Variants in TMT1A observed in about 807,000 individuals in gnomAD.
TMT1A encodes thiol methyltransferase 1A, also known as thiol S-methyltransferase TMT1A.
At chr12:50,929,802 G>A in the TMT1A span, 15 of 903,466 alleles carry the variant, frequency 1.7e-5, no homozygotes, top group Admixed American at 7.0e-5. Flanking sequence ...AGAACTCTAC[G>A]GTTCTCTCAC....
the TMT1A span, chr12:50,931,363 T>G: frequency 6.6e-6 from 1 of 152,092 alleles, no homozygotes; most frequent in South Asian, 2.1e-4. Flanking sequence ...ATTAAGAATC[T>G]GAGTCTAAAC....
At chr12:50,925,712 A>G in the TMT1A span, among the ~76,000 whole-genome samples, 1 of 152,104 alleles carries the variant, frequency 6.6e-6, no homozygotes, top group Non-Finnish European at 1.5e-5. Flanking sequence ...AGATTGATAA[A>G]TCTGAATATA....
chr12:50,926,195 C>T, the TMT1A span, among the ~76,000 whole-genome samples: 1 of 151,386 alleles, frequency 6.6e-6, no homozygotes, highest in Non-Finnish European at 1.5e-5. Context: ...CAATATTTTT[C>T]AATAAGAAAA....
chr12:50,930,075 G>A, the TMT1A span: 1 of 1,614,080 alleles, frequency 6.2e-7, no homozygotes, highest in Non-Finnish European at 8.5e-7. Flanking sequence ...TCTCTAAGCT[G>A]AAGCTGCAGC....
chr12:50,927,779 C>G, the TMT1A span, among the ~76,000 whole-genome samples: 4 of 152,186 alleles, frequency 2.6e-5, no homozygotes, highest in African/African-American at 9.6e-5. Context: ...AAGGAATTTG[C>G]CCAAAGTTAC....
the TMT1A span, among the ~76,000 whole-genome samples, chr12:50,927,011 T>C: frequency 6.6e-6 from 1 of 152,184 alleles, no homozygotes; most frequent in African/African-American, 2.4e-5. Context: ...AGGCATGTTT[T>C]GTAATCCCCA....
chr12:50,928,966 G>A, the TMT1A span, among the ~76,000 whole-genome samples: 2 of 151,992 alleles, frequency 1.3e-5, no homozygotes, highest in Non-Finnish European at 2.9e-5. Flanking sequence ...GGCCGGGCAC[G>A]GTAGCTCACG....
chr12:50,931,238 TTC>T, the TMT1A span: 1 of 152,128 alleles, frequency 6.6e-6, no homozygotes, highest in Non-Finnish European at 1.5e-5. Context: ...TAATTTTATC[TTC>T]TCTTTGAGAG....
the TMT1A span, chr12:50,925,536 G>C: frequency 1.2e-6 from 2 of 1,611,796 alleles, no homozygotes; most frequent in South Asian, 2.2e-5. Flanking sequence ...TGCTGAGACC[G>C]GTGAGTGAAA....
chr12:50,926,853 C>G, the TMT1A span, among the ~76,000 whole-genome samples: 13 of 152,138 alleles, frequency 8.5e-5, no homozygotes, highest in Non-Finnish European at 1.5e-4. Context: ...CATTTTAAAC[C>G]TTTCCGTAAA....
the TMT1A span, chr12:50,925,047 T>G: frequency 6.2e-7 from 1 of 1,614,036 alleles, no homozygotes; most frequent in Non-Finnish European, 8.5e-7. Flanking sequence ...CAATGGAGCT[T>G]ACCATCTTTA....
At chr12:50,928,650 C>T in the TMT1A span, among the ~76,000 whole-genome samples, 5,230 of 152,310 alleles carry the variant, frequency 0.034, 266 homozygotes, top group African/African-American at 0.11. Flanking sequence ...TCCCTACTGT[C>T]TGCCTAAAGC....
the TMT1A span, chr12:50,925,149 C>G: frequency 6.2e-7 from 1 of 1,614,072 alleles, no homozygotes; most frequent in African/African-American, 1.3e-5. Flanking sequence ...AATGGTTCCC[C>G]TACTTCTTGG....
chr12:50,932,100 G>T, the TMT1A span: 3 of 152,092 alleles, frequency 2.0e-5, no homozygotes, highest in East Asian at 1.9e-4. Flanking sequence ...GGTGGTTAAG[G>T]TTCTTGGGTT....
chr12:50,932,045 T>C, the TMT1A span: 2 of 152,188 alleles, frequency 1.3e-5, no homozygotes, highest in Non-Finnish European at 2.9e-5. Flanking sequence ...AGTCTTAAGA[T>C]AAAGATTGTA....
At chr12:50,925,263 G>A in the TMT1A span, 3 of 1,614,218 alleles carry the variant, frequency 1.9e-6, no homozygotes, top group Non-Finnish European at 2.5e-6. Context: ...TCTCCCTGCT[G>A]GAAGTGGGCT....
the TMT1A span, chr12:50,925,141 T>C: frequency 6.2e-7 from 1 of 1,614,000 alleles, no homozygotes; most frequent in African/African-American, 1.3e-5. Flanking sequence ...ATGCAAAAAA[T>C]GGTTCCCCTA....
At chr12:50,925,241 C>T in the TMT1A span, 122 of 1,614,090 alleles carry the variant, frequency 7.6e-5, no homozygotes, top group Admixed American at 1.0e-4. Flanking sequence ...TTTGCGGGCC[C>T]CTCCGGGAAA....
the TMT1A span, chr12:50,930,320 C>T: frequency 1.8e-6 from 1 of 568,576 alleles, no homozygotes; most frequent in Non-Finnish European, 3.0e-6. Flanking sequence ...GCTCTTGTTG[C>T]CCAGGCTGGA....
Sources: gnomAD v4.1 joint callset for allele counts (sites outside exome capture counted in the v4.1 genomes callset) on GRCh38, gnomAD v4.1.1 for gene constraint, MANE v1.5 for transcripts, NCBI Gene and HGNC (gene_info 2026-07-23, HGNC 2026-07-21) for gene names.